The following CHMP2A variants were observed in gnomAD, a reference collection of about 807,000 sequenced individuals.
CHMP2A encodes VPS2 homolog A.
In CHMP2A, 6 loss-of-function variants were observed where a neutral mutation model predicts 21.8. The ratio of observed to expected loss-of-function variants is 0.28; its 90% CI spans 0.15 to 0.54. The LOEUF is 0.54. CHMP2A is among the 20% of genes least tolerant of loss of function. CHMP2A has a pLI of 0.95. For synonymous variants in CHMP2A, 125 were observed against 107.0 expected (o/e 1.17, Z -1.04); for missense variants, 303 against 293.9 (o/e 1.03, Z -0.23).
At chr19:58,552,464 GACACAGGAATGAGATTATCCT>G (rs767132311) in intron 2 of CHMP2A, 26 bp from the exon 3 acceptor site, 291 of 1,603,490 alleles carry the variant, frequency 1.8e-4, no homozygotes, top group Non-Finnish European at 2.4e-4. Context: ...GGGTATCAAG[GACACAGGAATGAGATTATCCT>G]ACACTTCTTG....
In CHMP2A at chr19:58,554,218, T is replaced by C; in HGVS notation, c.-6A>G. On this transcript the variant is annotated 5_prime_UTR_variant, in exon 2 of 6. Transcript: ENST00000312547. The stretch of plus-strand genomic sequence containing the variant: ...CGCCCGAACAATAGGTCCATGATGG[T>C]AGAAGCTCACTGGCAGGCCTGAGAC... 6.2e-7 allele frequency: 1 copy of C among 1,607,786 alleles called. No homozygotes were observed. The highest frequency in any genetic ancestry group is 1.1e-5 in the South Asian group (1 of 90,860).
chr19:58,552,229 G>A, intron 3 of CHMP2A, 30 bp downstream of exon 3: 1 of 1,614,210 alleles, frequency 6.2e-7, no homozygotes, highest in South Asian at 1.1e-5. Context: ...TGGGTCGTGG[G>A]AGTGGGAAGG....
intron 1 of CHMP2A, 28 bp downstream of exon 1, chr19:58,554,960 G>C (rs1435228922): frequency 6.6e-6 from 1 of 152,292 alleles, no homozygotes; most frequent in South Asian, 2.0e-4. Flanking sequence ...GCCCGCCCGG[G>C]ATCCACGGTC....
chr19:58,552,363 T>C lies in CHMP2A; in HGVS notation c.244A>G (p.Asn82Asp). 6.2e-7 allele frequency: 1 copy of C among 1,614,228 alleles called. No individual in the cohort carries two copies. Among genetic ancestry groups the C allele is most frequent in the Middle Eastern group, 1.6e-4 (1 of 6,062 alleles). Residue 82 changes from asparagine (N) to aspartate (D), a missense_variant, in exon 3 of 6, where the codon AAC becomes GAC. Physicochemically the swap from Asn to Asp is conservative, Grantham distance 23. Transcript: ENST00000312547. ...ATCTTGAGGGACACAGCCTGGATGT[T>C]GGCCCGCATCAATACAAACTTGCGC... is the stretch of plus-strand genomic sequence containing the variant. The part of the protein sequence containing the change: ...YVRKFVLMRA[N>D]IQAVSLKIQT...
At chr19:58,552,471 GA>G (rs1451627621) in intron 2 of CHMP2A, 33 bp from the exon 3 acceptor site, 10 of 1,596,502 alleles carry the variant, frequency 6.3e-6, no homozygotes, top group Non-Finnish European at 8.6e-6. Context: ...AAGGACACAG[GA>G]ATGAGATTAT....
chr19:58,554,946 G>T (rs887683553), intron 1 of CHMP2A, 42 bp downstream of exon 1: 2 of 152,286 alleles, frequency 1.3e-5, no homozygotes, highest in Non-Finnish European at 2.9e-5. Context: ...GCTGCCGCCC[G>T]CACGCCCGCC....
In CHMP2A at chr19:58,553,882, C is replaced by T. The variant is rs1280875858; in HGVS notation, c.168+163G>A. ...TCAAGCCTTGGATCTCATACCAGTT[C>T]CTTGGAGGCAGCCTTCCAGACCCTC... On this transcript the variant is annotated intron_variant, in intron 2 of 5. Transcript: ENST00000312547. 1.2e-5 allele frequency: 10 copies of T among 826,288 alleles called. No individual in the cohort carries two copies. The East Asian group carries it at 2.5e-4, about 20-fold the overall frequency. 51.2% of individuals were successfully genotyped at this position (826,288 alleles called of 1,614,324 possible).
At position 58,552,245 on chromosome 19, in the gene CHMP2A, T is replaced by G. The variant is rs1319059716; in HGVS notation, c.348+14A>C. Reference sequence around the variant, plus strand: ...GGGTCGTGGGAGTGGGAAGGGGGATTGGGAAAAGCGCACCTGTCTGTTCAT... The same window carrying G: ...GGGTCGTGGGAGTGGGAAGGGGGATGGGGAAAAGCGCACCTGTCTGTTCAT... On this transcript the variant is annotated intron_variant, in intron 3 of 5. Transcript: ENST00000312547. The G allele has an allele frequency of 6.2e-7, 1 of 1,614,104 alleles. No individual in the cohort carries two copies. Among genetic ancestry groups the G allele is most frequent in the Admixed American group, 1.7e-5 (1 of 60,018 alleles).
chr19:58,552,222 G>C, intron 3 of CHMP2A, 37 bp from the exon 4 acceptor site: 1 of 1,614,190 alleles, frequency 6.2e-7, no homozygotes, highest in Non-Finnish European at 8.5e-7. Context: ...ATCCCCATGG[G>C]TCGTGGGAGT....
chr19:58,551,595 G>A lies in CHMP2A; in HGVS notation c.*54C>T, dbSNP rs1292492119. On this transcript the variant is annotated 3_prime_UTR_variant, in exon 6 of 6. Transcript: ENST00000312547. ...GTCAAATCTCTTTTATTACAGAGGG[G>A]TTGTGGTAAAAGATCCTGGGCATCC... 3 of 1,579,074 alleles carry A rather than the reference G, an allele frequency of 1.9e-6. No homozygotes were observed. Among genetic ancestry groups the A allele is most frequent in the Non-Finnish European group, 1.7e-6 (2 of 1,153,454 alleles).
intron 2 of CHMP2A, among the ~76,000 whole-genome samples, chr19:58,553,376 T>TG (rs2053855290): frequency 6.8e-6 from 1 of 147,222 alleles, no homozygotes; most frequent in African/African-American, 2.5e-5. Context: ...AACTGGTTTT[T>TG]TTTTTTTTTT....
In CHMP2A at chr19:58,552,185, G is replaced by C; in HGVS notation, c.349C>G (p.Leu117Val). ...TKAMGTMNRQLKLPQIQKIMM... is the reference protein window; with the variant it reads ...TKAMGTMNRQVKLPQIQKIMM... ...ATCTTCTGGATCTGGGGCAACTTCA[G>C]CTGGAAGTGACAGGAGTGTGAGTGT... The change falls in exon 4 of 6, where the codon CTG becomes GTG. Residue 117 changes from leucine to valine, a missense_variant and splice_region_variant. Coordinates refer to ENST00000312547, the MANE Select transcript of CHMP2A (RefSeq NM_014453.4). 1 of 1,614,186 alleles carries C rather than the reference G, an allele frequency of 6.2e-7. No homozygotes were observed. Among genetic ancestry groups the C allele is most frequent in the Non-Finnish European group, 8.5e-7 (1 of 1,180,042 alleles).
At chr19:58,552,985 C>A (rs2053850701) in intron 2 of CHMP2A, among the ~76,000 whole-genome samples, 1 of 152,166 alleles carries the variant, frequency 6.6e-6, no homozygotes, top group Non-Finnish European at 1.5e-5. Flanking sequence ...AGGCTGTGTT[C>A]CTTCTTCATG....
intron 2 of CHMP2A, 179 bp downstream of exon 2, chr19:58,553,866 G>T: frequency 1.4e-6 from 1 of 719,370 alleles, no homozygotes; most frequent in East Asian, 2.6e-5. Flanking sequence ...CTCAAGCCTT[G>T]GATCTCATAC....
chr19:58,551,987 C>CA lies in CHMP2A; in HGVS notation c.480-21dup. On this transcript the variant is annotated intron_variant, in intron 4 of 5. Coordinates refer to ENST00000312547, the MANE Select transcript of CHMP2A (RefSeq NM_014453.4). ...GCATCACTAGGGAAGAGAGAGAACTCAGTGAGGGCTATGCACTCCGTGAGG... is the reference window on the plus strand; with the variant it reads ...GCATCACTAGGGAAGAGAGAGAACTCAAGTGAGGGCTATGCACTCCGTGAGG... The CA allele has an allele frequency of 6.2e-7, 1 of 1,614,204 alleles. No homozygotes were observed. Among genetic ancestry groups the CA allele is most frequent in the Non-Finnish European group, 8.5e-7 (1 of 1,180,038 alleles).
intron 2 of CHMP2A, 50 bp downstream of exon 2, chr19:58,553,995 G>C (rs1196179020): frequency 4.4e-6 from 7 of 1,606,282 alleles, no homozygotes; most frequent in Non-Finnish European, 5.9e-6. Flanking sequence ...GTTCACTGCT[G>C]TTAGAGCCGT....
At position 58,552,451 on chromosome 19, in the gene CHMP2A, C is replaced by G. The variant is rs370890603; in HGVS notation, c.169-13G>C. 24 of 1,608,358 alleles carry G rather than the reference C, an allele frequency of 1.5e-5. No individual in the cohort carries two copies. Among genetic ancestry groups the G allele is most frequent in the Non-Finnish European group, 2.0e-5 (23 of 1,176,284 alleles). On this transcript the variant is annotated splice_polypyrimidine_tract_variant and intron_variant, in intron 2 of 5. Transcript: ENST00000312547. ...TGCGAACAGCATCCTGCAGAGTAGACAAGGGTATCAAGGACACAGGAATGA... is the reference window on the plus strand; with the variant it reads ...TGCGAACAGCATCCTGCAGAGTAGAGAAGGGTATCAAGGACACAGGAATGA...
intron 5 of CHMP2A, 36 bp downstream of exon 5, chr19:58,551,870 G>A: frequency 6.2e-7 from 1 of 1,614,100 alleles, no homozygotes; most frequent in Non-Finnish European, 8.5e-7. Context: ...GCTGGGCCTT[G>A]GGTGGGAAAT....
In CHMP2A at chr19:58,552,698, GC is replaced by G. The variant is rs1389821469; in HGVS notation, c.169-261del. Among the ~76,000 whole-genome samples the G allele has an allele frequency of 4.6e-5, 7 of 152,266 alleles. No individual in the cohort carries two copies. In the East Asian group the frequency reaches 1.3e-3, roughly 29 times the overall value. ...TTGATCTGTAAATGGTAAAAGAAAG[GC>G]CCCAGGCTCACTCCTGAGGGTTCCT... is the stretch of plus-strand genomic sequence containing the variant. On this transcript the variant is annotated intron_variant, in intron 2 of 5. Transcript: ENST00000312547.
Sources: allele counts gnomAD v4.1 joint callset (sites outside exome capture counted in the v4.1 genomes callset), GRCh38; gene constraint gnomAD v4.1.1; transcripts MANE v1.5; gene names NCBI Gene and HGNC (gene_info 2026-07-23, HGNC 2026-07-21).